The following ROBO2 variants were observed in gnomAD, a reference collection of about 807,000 sequenced individuals.
ROBO2 encodes roundabout homolog 2.
ROBO2 carries 53 observed loss-of-function variants against 160.8 expected under a neutral mutation model. The ratio of observed to expected loss-of-function variants is 0.33; its 90% CI spans 0.26 to 0.41. The LOEUF (loss-of-function observed/expected upper bound fraction) is 0.41. Ranked by LOEUF, ROBO2 falls within the 10% of genes least tolerant of loss-of-function variation. The pLI is 1.00. For synonymous variants in ROBO2, 664 were observed against 611.7 expected (o/e 1.09, Z -1.26); for missense variants, 1,577 against 1,722.4 (o/e 0.92, Z 1.49).
At chr3:77,557,405 AT>A (rs1490643628) in intron 8 of ROBO2, among the ~76,000 whole-genome samples, 4 of 151,976 alleles carry the variant, frequency 2.6e-5, no homozygotes, top group Admixed American at 1.3e-4. Flanking sequence ...TTATAATCTA[AT>A]ATTTTAACAT....
intron 1 of ROBO2, among the ~76,000 whole-genome samples, chr3:75,932,046 G>A (rs1205310554): frequency 4.6e-5 from 7 of 152,096 alleles, no homozygotes; most frequent in Non-Finnish European, 1.0e-4. Context: ...AATGAGATAT[G>A]GGCCAGGGTA....
chr3:77,146,637 A>C (rs2150485124), intron 2 of ROBO2, among the ~76,000 whole-genome samples: 1 of 151,972 alleles, frequency 6.6e-6, no homozygotes, highest in South Asian at 2.1e-4. Flanking sequence ...TTATCAAAAA[A>C]ACAACATGAA....
At chr3:77,157,150 T>A (rs1011450883) in intron 2 of ROBO2, among the ~76,000 whole-genome samples, 1 of 152,038 alleles carries the variant, frequency 6.6e-6, no homozygotes, top group Non-Finnish European at 1.5e-5. Context: ...TGATTATATG[T>A]CTATAGAGGT....
intron 2 of ROBO2, among the ~76,000 whole-genome samples, chr3:76,518,996 A>G (rs1014778999): frequency 3.9e-5 from 6 of 152,186 alleles, no homozygotes; most frequent in Non-Finnish European, 7.3e-5. Context: ...ACCAGAGGGA[A>G]TAAAACTAAC....
intron 2 of ROBO2, among the ~76,000 whole-genome samples, chr3:77,178,032 C>T (rs936967618): frequency 1.3e-5 from 2 of 152,062 alleles, no homozygotes; most frequent in East Asian, 1.9e-4. Context: ...AAAGACAAAG[C>T]CCTGTCTCTA....
intron 2 of ROBO2, among the ~76,000 whole-genome samples, chr3:76,089,222 C>G (rs1253894897): frequency 6.6e-6 from 1 of 151,680 alleles, no homozygotes; most frequent in Non-Finnish European, 1.5e-5. Flanking sequence ...AATACCAGAC[C>G]CAGATGAGTT....
intron 2 of ROBO2, among the ~76,000 whole-genome samples, chr3:76,471,085 C>T (rs1432985424): frequency 6.6e-6 from 1 of 152,106 alleles, no homozygotes; most frequent in Non-Finnish European, 1.5e-5. Flanking sequence ...TATGGGAAGT[C>T]TCTCTAACAG....
intron 23 of ROBO2, chr3:77,630,036 T>C (rs2095124754): frequency 6.6e-6 from 1 of 152,178 alleles, no homozygotes; most frequent in Admixed American, 6.5e-5. Context: ...AGAGATTGAT[T>C]CTCGCTGTAA....
intron 2 of ROBO2, among the ~76,000 whole-genome samples, chr3:77,275,745 A>C (rs2059784534): frequency 6.6e-6 from 1 of 152,128 alleles, no homozygotes; most frequent in Admixed American, 6.6e-5. Flanking sequence ...TAAATTGCCA[A>C]ACAAAATTGG....
chr3:76,067,930 C>T lies in ROBO2; in HGVS notation c.109+130328C>T, dbSNP rs117133734. The stretch of plus-strand genomic sequence containing the variant: ...CTGCTGGATATATAGCAGTGAACAA[C>T]GGGCGAAAATTTGTGTTCTCTTAAA... On this transcript the variant is annotated intron_variant, in intron 2 of 26. Transcript: ENST00000487694. Among the ~76,000 whole-genome samples the T allele has an allele frequency of 3.3e-4, 50 of 152,192 alleles. 2 individuals are homozygous for T. In the East Asian group the frequency reaches 8.3e-3, roughly 25 times the overall value.
At chr3:77,568,316 T>A (rs780922186) in exon 13 of ROBO2, 2 of 1,612,748 alleles carry the variant, frequency 1.2e-6, no homozygotes, top group Non-Finnish European at 8.5e-7. Flanking sequence ...ACTGCAGATA[T>A]CAGCCCACCA....
At chr3:76,853,634 T>A (rs2069667302) in intron 2 of ROBO2, among the ~76,000 whole-genome samples, 1 of 152,136 alleles carries the variant, frequency 6.6e-6, no homozygotes, top group African/African-American at 2.4e-5. Flanking sequence ...GGCCTGCAAT[T>A]TTAAAATATA....
intron 2 of ROBO2, among the ~76,000 whole-genome samples, chr3:77,307,747 G>A (rs2063211365): frequency 6.6e-6 from 1 of 152,224 alleles, no homozygotes; most frequent in Middle Eastern, 3.4e-3. Context: ...GCTGAGCATG[G>A]TGGCGGGCGC....
intron 2 of ROBO2, among the ~76,000 whole-genome samples, chr3:76,141,953 A>G (rs947845311): frequency 6.6e-6 from 1 of 151,992 alleles, no homozygotes; most frequent in East Asian, 1.9e-4. Flanking sequence ...CATTAGTTAA[A>G]TGAATGACTA....
chr3:77,493,580 G>T (rs1188631063), intron 5 of ROBO2, among the ~76,000 whole-genome samples, 198 bp downstream of exon 5: 4 of 152,108 alleles, frequency 2.6e-5, no homozygotes, highest in Non-Finnish European at 5.9e-5. Context: ...CTTTCAATGA[G>T]TATCTACATT....
chr3:76,569,004 G>C (rs2084787376), intron 2 of ROBO2, among the ~76,000 whole-genome samples: 1 of 152,110 alleles, frequency 6.6e-6, no homozygotes, highest in Non-Finnish European at 1.5e-5. Flanking sequence ...TTAATATTTA[G>C]ATCATTTAGA....
At chr3:77,002,858 TAAAG>T (rs778472258) in intron 2 of ROBO2, among the ~76,000 whole-genome samples, 5 of 152,154 alleles carry the variant, frequency 3.3e-5, no homozygotes, top group South Asian at 2.1e-4. Context: ...GAATACATAT[TAAAG>T]AAAGAGGCAA....
At chr3:76,720,098 T>C (rs2093442026) in intron 2 of ROBO2, among the ~76,000 whole-genome samples, 1 of 152,110 alleles carries the variant, frequency 6.6e-6, no homozygotes, top group Admixed American at 6.5e-5. Context: ...GATTCAGTAA[T>C]AACAGCAGAT....
chr3:77,558,080 T>G (rs373916600), exon 9 of ROBO2: 1 of 1,613,272 alleles, frequency 6.2e-7, no homozygotes, highest in South Asian at 1.1e-5. Context: ...AGGAGGGATT[T>G]ACTTTTCCGG....
Sources: allele counts gnomAD v4.1 joint callset (sites outside exome capture counted in the v4.1 genomes callset), GRCh38; gene constraint gnomAD v4.1.1; transcripts MANE v1.5; gene names NCBI Gene and HGNC (gene_info 2026-07-23, HGNC 2026-07-21).